CD55: variants seen among roughly 807,000 people sequenced by gnomAD.
The protein encoded by CD55 is complement decay-accelerating factor.
Under a neutral mutation model 45.8 loss-of-function variants are expected in CD55, and 41 were observed. The ratio of observed to expected loss-of-function variants is 0.90; its 90% CI spans 0.70 to 1.16. The LOEUF is 1.16. Among genes scored for constraint, CD55 ranks in the 50% most tolerant of loss-of-function variants. The probability of loss-of-function intolerance (pLI) is 0.00; values close to 1 mark genes in which losing one functional copy is unlikely to be tolerated. For synonymous variants in CD55, 181 were observed against 181.1 expected, an observed-to-expected ratio of 1.00 and a Z score of 0.01; for missense variants, 416 against 469.8, an observed-to-expected ratio of 0.89 and a Z score of 1.06.
chr1:207,351,480 C>G (rs1212907540), intron 9 of CD55, among the ~76,000 whole-genome samples: 1 of 152,128 alleles, frequency 6.6e-6, no homozygotes, highest in Non-Finnish European at 1.5e-5. Flanking sequence ...TTATTTCCAT[C>G]TCTTCATAGG....
intron 6 of CD55, among the ~76,000 whole-genome samples, chr1:207,332,265 A>G (rs548760582): frequency 6.6e-6 from 1 of 152,254 alleles, no homozygotes; most frequent in South Asian, 2.1e-4. Context: ...CCAGTCCTCT[A>G]TTGATGACAA....
chr1:207,326,959 T>C (rs1654716160), intron 5 of CD55, 122 bp downstream of exon 5: 1 of 574,702 alleles, frequency 1.7e-6, no homozygotes, highest in South Asian at 2.5e-5. Context: ...TTTCAATATA[T>C]GAGTGCTTTG....
At chr1:207,346,417 G>A (rs1655642536) in intron 9 of CD55, among the ~76,000 whole-genome samples, 1 of 152,150 alleles carries the variant, frequency 6.6e-6, no homozygotes, top group African/African-American at 2.4e-5. Flanking sequence ...TGTGAGTGCT[G>A]GCTGTGGTAG....
At chr1:207,340,373 A>ATT in intron 9 of CD55, 6 of 401,510 alleles carry the variant, frequency 1.5e-5, no homozygotes, top group South Asian at 1.5e-4. Flanking sequence ...TTTTATTTTT[A>ATT]TTTTTTTTTT....
At chr1:207,331,342 G>A (rs772949620) in intron 6 of CD55, 46 bp downstream of exon 6, 7 of 1,470,554 alleles carry the variant, frequency 4.8e-6, no homozygotes, top group African/African-American at 1.4e-5. Flanking sequence ...CTTACCCTCA[G>A]GTCTATATGT....
At position 207,322,406 on chromosome 1, in the gene CD55, T is replaced by A; in HGVS notation, c.125T>A (p.Val42Glu). 1 of 1,614,150 alleles carries A rather than the reference T, an allele frequency of 6.2e-7. No homozygotes were observed. Among genetic ancestry groups the A allele is most frequent in the Non-Finnish European group, 8.5e-7 (1 of 1,179,982 alleles). ...VWGDCGLPPD[V>E]PNAQPALEGR... is the part of the protein sequence containing the mutation. ...GGTGACTGTGGCCTTCCCCCAGATG[T>A]ACCTAATGCCCAGCCAGCTTTGGAA... The change falls in exon 2 of 10, where the codon GTA (valine) becomes GAA (glutamate). Residue 42 changes from valine (V) to glutamate (E), a missense_variant. Coordinates refer to ENST00000367064, the MANE Select transcript of CD55 (RefSeq NM_000574.5).
intron 2 of CD55, among the ~76,000 whole-genome samples, chr1:207,323,139 A>ATG (rs1654501229): frequency 6.6e-6 from 1 of 151,646 alleles, no homozygotes; most frequent in African/African-American, 2.4e-5. Context: ...GAAAAAATAT[A>ATG]TGTATATATA....
At chr1:207,331,393 A>G (rs1342512181) in intron 6 of CD55, 97 bp downstream of exon 6, 1 of 949,074 alleles carries the variant, frequency 1.1e-6, no homozygotes, top group Non-Finnish European at 1.6e-6. Context: ...AAAAAAATGT[A>G]AAATGTTTAC....
At position 207,360,841 on chromosome 1, in the gene CD55, GTTTAT is replaced by G. The variant is rs1232515795; in HGVS notation, c.*1235_*1239del. On this transcript the variant is annotated 3_prime_UTR_variant, in exon 10 of 10. Transcript: ENST00000367064. ...ATATAACTAGATTTATTATGGCAAT[GTTTAT>G]TTTGTCATTTTGCTTCATCTGTTTT... 3 of 152,118 alleles carry G rather than the reference GTTTAT, an allele frequency of 2.0e-5. No homozygotes were observed. Among genetic ancestry groups the G allele is most frequent in the Non-Finnish European group, 4.4e-5 (3 of 68,010 alleles). 9.4% of individuals were successfully genotyped at this position (152,118 alleles called of 1,614,324 possible).
chr1:207,341,834 G>T (rs1320891855), intron 9 of CD55, among the ~76,000 whole-genome samples: 1 of 151,878 alleles, frequency 6.6e-6, no homozygotes, highest in Non-Finnish European at 1.5e-5. Flanking sequence ...GATTGCTTTG[G>T]CAGTGTAGTC....
At chr1:207,332,933 C>T (rs910002789) in intron 6 of CD55, among the ~76,000 whole-genome samples, 9 of 152,138 alleles carry the variant, frequency 5.9e-5, no homozygotes, top group African/African-American at 2.2e-4. Flanking sequence ...ACTAAGGATT[C>T]ACCTTGACCC....
Position 207,330,114 on chromosome 1 carries a change from G to A in CD55, c.665-994G>A, listed in dbSNP as rs562481808. Among the ~76,000 whole-genome samples the A allele has an allele frequency of 3.9e-5, 6 of 152,196 alleles. No individual in the cohort carries two copies. The South Asian group carries it at 8.3e-4, about 21-fold the overall frequency. On this transcript the variant is annotated intron_variant, in intron 5 of 9. Transcript: ENST00000367064. Reference sequence around the variant, plus strand: ...TTCCAATTATAAAAAAATGCCTGGCGTGTGTTAGGCACTCAGAAAATGTTT... The same window carrying A: ...TTCCAATTATAAAAAAATGCCTGGCATGTGTTAGGCACTCAGAAAATGTTT...
At position 207,331,100 on chromosome 1, in the gene CD55, T is replaced by C; in HGVS notation, c.665-8T>C. Reference sequence around the variant, plus strand: ...TTTATTTAAAAGATGTTGGAATTGTTTTTTAAGAAATTTATTGTCCAGCAC... The same window carrying C: ...TTTATTTAAAAGATGTTGGAATTGTCTTTTAAGAAATTTATTGTCCAGCAC... On this transcript the variant is annotated splice_region_variant and splice_polypyrimidine_tract_variant and intron_variant, in intron 5 of 9. Coordinates refer to ENST00000367064, the MANE Select transcript of CD55 (RefSeq NM_000574.5). 1 of 1,590,242 alleles carries C rather than the reference T, an allele frequency of 6.3e-7. No individual in the cohort carries two copies. The highest frequency in any genetic ancestry group is 8.6e-7 in the Non-Finnish European group (1 of 1,167,382).
chr1:207,323,522 A>G (rs188778826), intron 2 of CD55, among the ~76,000 whole-genome samples: 13 of 152,206 alleles, frequency 8.5e-5, no homozygotes, highest in Non-Finnish European at 1.6e-4. Context: ...TAAAATATAT[A>G]TTGGCATTAT....
intron 4 of CD55, 86 bp downstream of exon 4, chr1:207,325,807 G>A (rs1572870859): frequency 1.4e-6 from 1 of 728,978 alleles, no homozygotes. Flanking sequence ...TTCATGACTG[G>A]TATTCACAGC....
chr1:207,336,262 CA>C (rs1307238983), intron 6 of CD55, among the ~76,000 whole-genome samples: 1 of 152,126 alleles, frequency 6.6e-6, no homozygotes, highest in East Asian at 1.9e-4. Flanking sequence ...AACAAATTCT[CA>C]GGCTCATTAA....
Position 207,322,398 on chromosome 1 carries a change from C to G in CD55, c.117C>G (p.Pro39=). The change falls in exon 2 of 10, where the codon CCC becomes CCG. Residue 39 remains proline, a synonymous_variant. Coordinates refer to ENST00000367064, the MANE Select transcript of CD55 (RefSeq NM_000574.5). The stretch of plus-strand genomic sequence containing the variant: ...TCTCCCTAGGTGACTGTGGCCTTCC[C>G]CCAGATGTACCTAATGCCCAGCCAG... ...LPAVWGDCGL[P]PDVPNAQPAL... is the part of the protein sequence containing the mutation. 1.2e-6 allele frequency: 2 copies of G among 1,614,030 alleles called. No individual in the cohort carries two copies. Among genetic ancestry groups the G allele is most frequent in the South Asian group, 1.1e-5 (1 of 91,054 alleles).
intron 6 of CD55, among the ~76,000 whole-genome samples, chr1:207,335,378 A>G (rs1295492876): frequency 1.3e-5 from 2 of 152,320 alleles, no homozygotes; most frequent in Admixed American, 6.5e-5. Context: ...GCTCTAAGCT[A>G]CAATACATTG....
intron 9 of CD55, chr1:207,358,484 A>G (rs1656161415): frequency 6.6e-6 from 1 of 152,192 alleles, no homozygotes; most frequent in African/African-American, 2.4e-5. Flanking sequence ...ACATAATTCA[A>G]TTCAATAGTT....
Sources: allele counts gnomAD v4.1 joint callset (sites outside exome capture counted in the v4.1 genomes callset), GRCh38; gene constraint gnomAD v4.1.1; transcripts MANE v1.5; gene names NCBI Gene and HGNC (gene_info 2026-07-23, HGNC 2026-07-21).